The following EYS variants were observed in gnomAD, a reference collection of about 807,000 sequenced individuals.
The protein encoded by EYS is EGF-like photoreceptor maintenance factor.
EYS carries 250 observed loss-of-function variants against 282.1 expected under a neutral mutation model. The ratio of observed to expected loss-of-function variants is 0.89; its 90% CI spans 0.80 to 0.98. The LOEUF is 0.98. Ranked by LOEUF, EYS falls within the 50% of genes least tolerant of loss-of-function variation. The pLI, the probability that EYS is intolerant of heterozygous loss-of-function variation, is 0.00. For synonymous variants in EYS, 1,355 were observed against 1,282.9 expected, an observed-to-expected ratio of 1.06 and a Z score of -1.20; for missense variants, 4,016 against 3,709.0, an observed-to-expected ratio of 1.08 and a Z score of -2.15.
chr6:64,374,304 A>C (rs888736239), intron 29 of EYS, among the ~76,000 whole-genome samples: 1 of 151,990 alleles, frequency 6.6e-6, no homozygotes, highest in Non-Finnish European at 1.5e-5. Context: ...CTATGGCACC[A>C]GTGCTGGCAG....
intron 14 of EYS, among the ~76,000 whole-genome samples, chr6:64,990,912 A>G (rs1298856453): frequency 6.6e-6 from 1 of 151,580 alleles, no homozygotes. Flanking sequence ...TGTAATCCTG[A>G]TAAATTTAAT....
At chr6:64,611,635 G>A (rs1289448974) in intron 24 of EYS, among the ~76,000 whole-genome samples, 2 of 152,124 alleles carry the variant, frequency 1.3e-5, no homozygotes, top group Non-Finnish European at 2.9e-5. Context: ...ATATATTAGA[G>A]AAAACTATCA....
chr6:65,423,645 C>T (rs150693696), intron 5 of EYS, among the ~76,000 whole-genome samples: 71 of 151,982 alleles, frequency 4.7e-4, no homozygotes, highest in African/African-American at 1.6e-3. Context: ...TTGAAATATA[C>T]TTCCCTCCAT....
At chr6:64,489,771 C>G (rs907384324) in intron 26 of EYS, among the ~76,000 whole-genome samples, 1 of 150,266 alleles carries the variant, frequency 6.7e-6, no homozygotes, top group Non-Finnish European at 1.5e-5. Context: ...TAACATGAAC[C>G]ATTTGTTTCC....
intron 36 of EYS, among the ~76,000 whole-genome samples, chr6:63,827,514 TAGAC>T: frequency 6.6e-6 from 1 of 152,218 alleles, no homozygotes; most frequent in East Asian, 1.9e-4. Flanking sequence ...GACCATATGA[TAGAC>T]AATAAAATGA....
At chr6:65,462,540 G>C (rs1330851307) in intron 5 of EYS, among the ~76,000 whole-genome samples, 1 of 151,810 alleles carries the variant, frequency 6.6e-6, no homozygotes, top group African/African-American at 2.4e-5. Flanking sequence ...ATTATTTATA[G>C]TATATTTTAT....
At chr6:63,769,379 A>G (rs570478550) in intron 40 of EYS, among the ~76,000 whole-genome samples, 4 of 152,188 alleles carry the variant, frequency 2.6e-5, no homozygotes, top group Non-Finnish European at 5.9e-5. Context: ...ACTAGCAGGC[A>G]AAGAGCTGGG....
At chr6:64,688,149 A>G (rs1427262211) in intron 22 of EYS, among the ~76,000 whole-genome samples, 1 of 150,856 alleles carries the variant, frequency 6.6e-6, no homozygotes, top group African/African-American at 2.4e-5. Context: ...CGGTCAATCA[A>G]TCTTGTGGAT....
intron 22 of EYS, among the ~76,000 whole-genome samples, chr6:64,669,596 T>A (rs1204558798): frequency 2.0e-5 from 3 of 152,236 alleles, no homozygotes; most frequent in Non-Finnish European, 2.9e-5. Flanking sequence ...TGATTGCATT[T>A]ATTTTTATTT....
chr6:64,462,867 C>T (rs993931910), intron 26 of EYS, among the ~76,000 whole-genome samples: 14 of 151,078 alleles, frequency 9.3e-5, no homozygotes, highest in African/African-American at 2.7e-4. Flanking sequence ...CTATATCTTT[C>T]GTTTAAAAAG....
chr6:64,706,787 G>A (rs1771033373), intron 22 of EYS, among the ~76,000 whole-genome samples: 1 of 151,900 alleles, frequency 6.6e-6, no homozygotes, highest in Non-Finnish European at 1.5e-5. Context: ...CTGCAAGAAT[G>A]GCCAAAATAA....
chr6:64,648,200 C>T (rs1768423719), intron 22 of EYS, among the ~76,000 whole-genome samples: 1 of 152,160 alleles, frequency 6.6e-6, no homozygotes, highest in South Asian at 2.1e-4. Context: ...AGACTAAAAA[C>T]TAGGGGCAGA....
intron 5 of EYS, among the ~76,000 whole-genome samples, chr6:65,476,993 T>G (rs1562208285): frequency 6.6e-6 from 1 of 152,174 alleles, no homozygotes; most frequent in Non-Finnish European, 1.5e-5. Context: ...AAATCAACAT[T>G]CTAAGAAATC....
intron 12 of EYS, among the ~76,000 whole-genome samples, chr6:65,287,494 T>C (rs1768398680): frequency 6.6e-6 from 1 of 151,508 alleles, no homozygotes; most frequent in Non-Finnish European, 1.5e-5. Context: ...AGATCACTAA[T>C]TAAATTCCTG....
At chr6:65,360,325 C>G (rs139000311) in intron 8 of EYS, among the ~76,000 whole-genome samples, 1 of 151,916 alleles carries the variant, frequency 6.6e-6, no homozygotes, top group African/African-American at 2.4e-5. Flanking sequence ...TCAAAACCTT[C>G]TATGGAAAAT....
chr6:65,530,571 A>G (rs1421883487), intron 2 of EYS, among the ~76,000 whole-genome samples: 1 of 152,148 alleles, frequency 6.6e-6, no homozygotes, highest in African/African-American at 2.4e-5. Context: ...GCTTATAAAA[A>G]CATAATTTTT....
chr6:64,906,374 C>G (rs185958220), intron 16 of EYS, among the ~76,000 whole-genome samples: 6 of 152,094 alleles, frequency 3.9e-5, no homozygotes, highest in Admixed American at 2.0e-4. Flanking sequence ...TTTCTAAATT[C>G]AAATTTCTAC....
chr6:64,510,862 G>T (rs1777369254), intron 26 of EYS, among the ~76,000 whole-genome samples: 2 of 151,926 alleles, frequency 1.3e-5, no homozygotes, highest in South Asian at 2.1e-4. Context: ...TTTCTCTCCG[G>T]CAATGCCTGA....
intron 28 of EYS, among the ~76,000 whole-genome samples, chr6:64,428,733 T>C (rs1172580655): frequency 6.6e-6 from 1 of 152,210 alleles, no homozygotes; most frequent in East Asian, 1.9e-4. Flanking sequence ...TACTTTATGA[T>C]ATTGTCTATT....
Sources: allele counts gnomAD v4.1 joint callset (sites outside exome capture counted in the v4.1 genomes callset), GRCh38; gene constraint gnomAD v4.1.1; transcripts MANE v1.5; gene names NCBI Gene and HGNC (gene_info 2026-07-23, HGNC 2026-07-21).